ASB18: variants seen among roughly 807,000 people sequenced by gnomAD.
The protein encoded by ASB18 is ankyrin repeat and SOCS box containing 18, also known as ankyrin repeat and SOCS box protein 18.
A neutral mutation model predicts 33.4 loss-of-function variants in ASB18; 33 were observed. The observed-to-expected ratio is 0.99, with a 90% CI of 0.75 to 1.32. The LOEUF (loss-of-function observed/expected upper bound fraction) is 1.32, where lower values mean the gene tolerates loss of function less well. Ranked by LOEUF, ASB18 falls within the 40% of genes most tolerant of loss-of-function variation. ASB18 has a pLI of 0.00. For missense variants in ASB18, 694 were observed against 655.5 expected, an observed-to-expected ratio of 1.06 and a Z score of -0.64; for synonymous variants, 295 against 307.6, an observed-to-expected ratio of 0.96 and a Z score of 0.43.
chr2:236,245,834 G>A lies in ASB18; in HGVS notation c.206-4432C>T, dbSNP rs534670307. Among the ~76,000 whole-genome samples the A allele has an allele frequency of 6.6e-6, 1 of 152,292 alleles. No individual in the cohort carries two copies. The highest frequency in any genetic ancestry group is 1.9e-4 in the East Asian group (1 of 5,180). ...AATGCCAACAGTGAAGAGAACGAAT[G>A]GACTGGACTCTTTGAAACTTGCTCA... On this transcript the variant is annotated intron_variant, in intron 1 of 5. Transcript: ENST00000409749. This position sits in a 1 kb window ranked among gnomAD's most constrained non-coding sequence, Gnocchi z 4.7.
rs1491279235 is a variant in ASB18, at chr2:236,238,611, G to GTA, written c.329-656_329-655insTA. On this transcript the variant is annotated intron_variant, in intron 2 of 5. Coordinates refer to ENST00000409749, the MANE Select transcript of ASB18 (RefSeq NM_212556.4). This position sits in a 1 kb window ranked among gnomAD's most constrained non-coding sequence, Gnocchi z 5.2. Reference sequence around the variant, plus strand: ...GTTTGTTTCTTTGCGCTTTTTAGGGGTGTGTGTGTGTGTGTGTGTAGGGTT... The same window carrying GTA: ...GTTTGTTTCTTTGCGCTTTTTAGGGGTATGTGTGTGTGTGTGTGTGTAGGGTT... Among the ~76,000 whole-genome samples the GTA allele has an allele frequency of 4.5e-4, 1 of 2,202 alleles. No individual in the cohort carries two copies. Among genetic ancestry groups the GTA allele is most frequent in the East Asian group, 7.9e-3 (1 of 126 alleles). The allele number at this position is 2,202 out of a possible 152,430, so 1.4% of individuals were successfully genotyped here.
chr2:236,246,100 C>T (rs1166734739), intron 1 of ASB18, among the ~76,000 whole-genome samples: 1 of 152,048 alleles, frequency 6.6e-6, no homozygotes, highest in Non-Finnish European at 1.5e-5. Flanking sequence ...TGCCTATGAT[C>T]CCAGCACTTT....
Position 236,256,868 on chromosome 2 carries a change from T to G in ASB18, c.205+7273A>C, listed in dbSNP as rs1225469843. ...GCATCTCATCTCATCACAGTGTCAT[T>G]CAACCTGCTTCTGGGGAAAAAAAAA... On this transcript the variant is annotated intron_variant, in intron 1 of 5. Coordinates refer to ENST00000409749, the MANE Select transcript of ASB18 (RefSeq NM_212556.4). The surrounding 1 kb of genome is among the most constrained non-coding windows in gnomAD (Gnocchi z 4.7). 3.9e-5 allele frequency among the ~76,000 whole-genome samples: 6 copies of G among 152,110 alleles called. No homozygotes were observed. Among genetic ancestry groups the G allele is most frequent in the African/African-American group, 1.4e-4 (6 of 41,432 alleles).
chr2:236,224,657 C>A (rs575837172), intron 3 of ASB18, among the ~76,000 whole-genome samples: 28 of 152,348 alleles, frequency 1.8e-4, no homozygotes, highest in Non-Finnish European at 4.0e-4. Flanking sequence ...TCTGTGCAAC[C>A]TTACTGGCAT....
chr2:236,234,578 CA>C lies in ASB18; in HGVS notation c.596+3110del, dbSNP rs2060580314. On this transcript the variant is annotated intron_variant, in intron 3 of 5. Transcript: ENST00000409749. The surrounding 1 kb of genome is among the most constrained non-coding windows in gnomAD (Gnocchi z 4.1). ...ACCAGTCAGACTTTGCCCTGCTTTG[CA>C]CATGCTTGACAAGAGAGCTCAGAAA... Among the ~76,000 whole-genome samples the C allele has an allele frequency of 6.6e-6, 1 of 152,190 alleles. No homozygotes were observed. Among genetic ancestry groups the C allele is most frequent in the Non-Finnish European group, 1.5e-5 (1 of 68,042 alleles).
rs1302001408 is a variant in ASB18 at position 236,211,330 on chromosome 2, T to C, written c.1101+3032A>G. On this transcript the variant is annotated intron_variant, in intron 4 of 5. Coordinates refer to ENST00000409749, the MANE Select transcript of ASB18 (RefSeq NM_212556.4). The surrounding 1 kb of genome is among the most constrained non-coding windows in gnomAD (Gnocchi z 5.0). ...AGCCAGGCAGAAAGGCCTGGCACTG[T>C]CAACACGTGGGCTTCCGAAGCCGTG... Among the ~76,000 whole-genome samples, 1 of 152,192 alleles carries C rather than the reference T, an allele frequency of 6.6e-6. No individual in the cohort carries two copies. Among genetic ancestry groups the C allele is most frequent in the Non-Finnish European group, 1.5e-5 (1 of 68,024 alleles).
At position 236,209,602 on chromosome 2, in the gene ASB18, G is replaced by T. The variant is rs1410152809; in HGVS notation, c.1101+4760C>A. Among the ~76,000 whole-genome samples the T allele has an allele frequency of 2.0e-5, 3 of 152,186 alleles. No homozygotes were observed. Among genetic ancestry groups the T allele is most frequent in the Non-Finnish European group, 4.4e-5 (3 of 68,028 alleles). On this transcript the variant is annotated intron_variant, in intron 4 of 5. Coordinates refer to ENST00000409749, the MANE Select transcript of ASB18 (RefSeq NM_212556.4). The surrounding 1 kb of genome is among the most constrained non-coding windows in gnomAD (Gnocchi z 4.4). ...TCTTGCACCAACCTCCATCCCCCAT[G>T]CAAGCTATGTGAATCCCTTACCTGG...
At chr2:236,254,971 C>A (rs980817391) in intron 1 of ASB18, among the ~76,000 whole-genome samples, 1 of 152,098 alleles carries the variant, frequency 6.6e-6, no homozygotes, top group East Asian at 1.9e-4. Flanking sequence ...AAGTGTGTAG[C>A]ACTCGCGACC....
Position 236,231,100 on chromosome 2 carries a change from G to A in ASB18, c.596+6589C>T, listed in dbSNP as rs1334867014. Among the ~76,000 whole-genome samples, 1 of 152,106 alleles carries A rather than the reference G, an allele frequency of 6.6e-6. No homozygotes were observed. Among genetic ancestry groups the A allele is most frequent in the Non-Finnish European group, 1.5e-5 (1 of 68,028 alleles). ...GCTCTTCTCTCCTCTCCTTGAGCGT[G>A]GGCAGAACCTTTGATTTGCCGCTAA... On this transcript the variant is annotated intron_variant, in intron 3 of 5. Transcript: ENST00000409749. This position sits in a 1 kb window ranked among gnomAD's most constrained non-coding sequence, Gnocchi z 5.5.
chr2:236,196,353 G>T lies in ASB18; in HGVS notation c.1134C>A (p.Val378=). 1 of 1,567,316 alleles carries T rather than the reference G, an allele frequency of 6.4e-7. No homozygotes were observed. Among genetic ancestry groups the T allele is most frequent in the South Asian group, 1.2e-5 (1 of 84,992 alleles). The part of the protein sequence containing the change: ...VLKTCASVPA[V]IEVLFNSYPQ... ...GGTAGGAGTTGAAAAGCACCTCGAT[G>T]ACTGCGGGGACAGATGCACAGGTCT... The change falls in exon 5 of 6, where the codon GTC becomes GTA. Residue 378 remains valine, a synonymous_variant. Coordinates refer to ENST00000409749, the MANE Select transcript of ASB18 (RefSeq NM_212556.4). The surrounding 1 kb of genome is among the most constrained non-coding windows in gnomAD (Gnocchi z 5.6).
At position 236,258,112 on chromosome 2, in the gene ASB18, C is replaced by T. The variant is rs142476031; in HGVS notation, c.205+6029G>A. On this transcript the variant is annotated intron_variant, in intron 1 of 5. Coordinates refer to ENST00000409749, the MANE Select transcript of ASB18 (RefSeq NM_212556.4). Reference sequence around the variant, plus strand: ...AGTTCGTAAACCAGCTTCCTATGCACCTTCCAGCTGGTATCCTCGCTGCCT... The same window carrying T: ...AGTTCGTAAACCAGCTTCCTATGCATCTTCCAGCTGGTATCCTCGCTGCCT... Among the ~76,000 whole-genome samples the T allele has an allele frequency of 4.6e-5, 7 of 152,332 alleles. No individual in the cohort carries two copies. The East Asian group carries it at 1.4e-3, about 29-fold the overall frequency.
In ASB18 at chr2:236,211,272, C is replaced by A. The variant is rs2060457441; in HGVS notation, c.1101+3090G>T. Among the ~76,000 whole-genome samples the A allele has an allele frequency of 6.6e-6, 1 of 152,194 alleles. No homozygotes were observed. ...CTGCCCCCTATGCCTGCCCTCGGTG[C>A]CCTGTCCCTGCCCCCAGTGTTAACT... On this transcript the variant is annotated intron_variant, in intron 4 of 5. Transcript: ENST00000409749. This position sits in a 1 kb window ranked among gnomAD's most constrained non-coding sequence, Gnocchi z 5.0.
At position 236,245,072 on chromosome 2, in the gene ASB18, G is replaced by A. The variant is rs1026988559; in HGVS notation, c.206-3670C>T. Among the ~76,000 whole-genome samples the A allele has an allele frequency of 6.6e-6, 1 of 152,180 alleles. No homozygotes were observed. The highest frequency in any genetic ancestry group is 1.5e-5 in the Non-Finnish European group (1 of 68,026). On this transcript the variant is annotated intron_variant, in intron 1 of 5. Coordinates refer to ENST00000409749, the MANE Select transcript of ASB18 (RefSeq NM_212556.4). This position sits in a 1 kb window ranked among gnomAD's most constrained non-coding sequence, Gnocchi z 4.7. ...TGAAAGCTGAGGGGCTCACATGGGTGAGAGTCAACCTCAGCTGGGTGTGGG... is the reference window on the plus strand; with the variant it reads ...TGAAAGCTGAGGGGCTCACATGGGTAAGAGTCAACCTCAGCTGGGTGTGGG...
chr2:236,237,117 C>A lies in ASB18; in HGVS notation c.596+572G>T, dbSNP rs1208220490. Among the ~76,000 whole-genome samples, 3 of 152,120 alleles carry A rather than the reference C, an allele frequency of 2.0e-5. No homozygotes were observed. The highest frequency in any genetic ancestry group is 2.9e-5 in the Non-Finnish European group (2 of 68,018). ...AGGCCGGCACAGCTCCGCTTCCGAG[C>A]GGGCCTGGAAGCCCCGCCCGAGGAG... On this transcript the variant is annotated intron_variant, in intron 3 of 5. Coordinates refer to ENST00000409749, the MANE Select transcript of ASB18 (RefSeq NM_212556.4). The surrounding 1 kb of genome is among the most constrained non-coding windows in gnomAD (Gnocchi z 6.2).
chr2:236,220,548 T>TTGGCC lies in ASB18; in HGVS notation c.597-5687_597-5683dup, dbSNP rs1441036283. ...AAAGGTCTTTTGGATTCCCCAGTACTTGGCCTTTTTTTTTTTTTTTAAACA... is the reference window on the plus strand; with the variant it reads ...AAAGGTCTTTTGGATTCCCCAGTACTTGGCCTGGCCTTTTTTTTTTTTTTTAAACA... On this transcript the variant is annotated intron_variant, in intron 3 of 5. Coordinates refer to ENST00000409749, the MANE Select transcript of ASB18 (RefSeq NM_212556.4). This position sits in a 1 kb window ranked among gnomAD's most constrained non-coding sequence, Gnocchi z 5.1. Among the ~76,000 whole-genome samples the TTGGCC allele has an allele frequency of 3.0e-5, 4 of 132,536 alleles. No individual in the cohort carries two copies. The highest frequency in any genetic ancestry group is 6.0e-5 in the Non-Finnish European group (4 of 66,908). 86.9% of individuals were successfully genotyped at this position (132,536 alleles called of 152,430 possible). A position where few individuals can be genotyped will look rare whatever the true frequency, so the allele number is the denominator to read the frequency against.
chr2:236,258,467 C>T (rs1240015087), intron 1 of ASB18, among the ~76,000 whole-genome samples: 1 of 152,200 alleles, frequency 6.6e-6, no homozygotes, highest in Non-Finnish European at 1.5e-5. Context: ...CTTCCCATTA[C>T]ACCACATCTT....
At position 236,225,808 on chromosome 2, in the gene ASB18, T is replaced by A. The variant is rs2060534470; in HGVS notation, c.597-10942A>T. On this transcript the variant is annotated intron_variant, in intron 3 of 5. Transcript: ENST00000409749. This position sits in a 1 kb window ranked among gnomAD's most constrained non-coding sequence, Gnocchi z 5.1. The stretch of plus-strand genomic sequence containing the variant: ...AGGAAGCACAGGTAATTTTTTTTTT[T>A]TAATCCCAGGAACTCAGAGACTCAA... 6.8e-6 allele frequency among the ~76,000 whole-genome samples: 1 copy of A among 147,958 alleles called. No individual in the cohort carries two copies. The highest frequency in any genetic ancestry group is 2.5e-5 in the African/African-American group (1 of 39,886).
rs1294976940 is a variant in ASB18, at chr2:236,262,177, T to G, written c.205+1964A>C. On this transcript the variant is annotated intron_variant, in intron 1 of 5. Transcript: ENST00000409749. The surrounding 1 kb of genome is among the most constrained non-coding windows in gnomAD (Gnocchi z 5.2). ...TAGTAATGTGAAAAGAAAGGATATT[T>G]AGGTTCAGGATTCCCAATACACAAA... 6.6e-6 allele frequency among the ~76,000 whole-genome samples: 1 copy of G among 152,250 alleles called. No individual in the cohort carries two copies. Among genetic ancestry groups the G allele is most frequent in the East Asian group, 1.9e-4 (1 of 5,204 alleles).
rs960308882 is a variant in ASB18 at position 236,251,902 on chromosome 2, T to C, written c.206-10500A>G. On this transcript the variant is annotated intron_variant, in intron 1 of 5. Coordinates refer to ENST00000409749, the MANE Select transcript of ASB18 (RefSeq NM_212556.4). The surrounding 1 kb of genome is among the most constrained non-coding windows in gnomAD (Gnocchi z 5.3). ...TGCAGGTGGGAGGGTAAATTGCTGT[T>C]CAGTTTGGAAATGTTCTATACTGAG... is the stretch of plus-strand genomic sequence containing the variant. Among the ~76,000 whole-genome samples the C allele has an allele frequency of 6.6e-6, 1 of 152,154 alleles. No homozygotes were observed. The highest frequency in any genetic ancestry group is 1.5e-5 in the Non-Finnish European group (1 of 68,012).
Sources: gnomAD v4.1 joint callset for allele counts (sites outside exome capture counted in the v4.1 genomes callset) on GRCh38, gnomAD v4.1.1 for gene constraint, Gnocchi (gnomAD v3.1) non-coding constraint, MANE v1.5 for transcripts, NCBI Gene and HGNC (gene_info 2026-07-23, HGNC 2026-07-21) for gene names.